CAMKK2: variants seen among roughly 807,000 people sequenced by gnomAD.
CAMKK2 encodes calcium/calmodulin-dependent protein kinase kinase 2.
In CAMKK2, 30 loss-of-function variants were observed where a neutral mutation model predicts 67.2. The ratio of observed to expected loss-of-function variants is 0.45; its 90% CI spans 0.33 to 0.61. The LOEUF (loss-of-function observed/expected upper bound fraction) is 0.61. CAMKK2 is among the 20% of genes least tolerant of loss of function. The pLI, the probability that CAMKK2 is intolerant of heterozygous loss-of-function variation, is 0.02. For synonymous variants in CAMKK2, 322 were observed against 326.2 expected, an observed-to-expected ratio of 0.99 and a Z score of 0.14; for missense variants, 643 against 802.0, an observed-to-expected ratio of 0.80 and a Z score of 2.39.
chr12:121,251,377 T>G (rs1890677494), intron 11 of CAMKK2, among the ~76,000 whole-genome samples: 1 of 152,120 alleles, frequency 6.6e-6, no homozygotes, highest in South Asian at 2.1e-4. Flanking sequence ...ATTGAAAAAT[T>G]TTCTAATCAA....
At chr12:121,242,543 GTC>G (rs1222972545) in intron 16 of CAMKK2, among the ~76,000 whole-genome samples, 1 of 152,180 alleles carries the variant, frequency 6.6e-6, no homozygotes, top group East Asian at 1.9e-4. Context: ...CTGCCCAGGC[GTC>G]TGTCTGGGCA....
intron 6 of CAMKK2, among the ~76,000 whole-genome samples, chr12:121,261,229 C>G (rs1461076852): frequency 6.6e-6 from 1 of 152,152 alleles, no homozygotes; most frequent in Non-Finnish European, 1.5e-5. Context: ...AATGAACAAA[C>G]AGATGGGCTG....
chr12:121,290,109 C>G (rs553964406), intron 1 of CAMKK2, among the ~76,000 whole-genome samples: 3 of 152,140 alleles, frequency 2.0e-5, no homozygotes, highest in Non-Finnish European at 4.4e-5. Context: ...CTAATTGTTC[C>G]GCAAAGATCA....
chr12:121,251,610 T>A (rs1890724498), intron 11 of CAMKK2, among the ~76,000 whole-genome samples: 1 of 151,988 alleles, frequency 6.6e-6, no homozygotes, highest in Admixed American at 6.6e-5. Flanking sequence ...GGCAGATCAT[T>A]TGAGGTCAGG....
intron 11 of CAMKK2, among the ~76,000 whole-genome samples, chr12:121,250,792 A>G (rs554805792): frequency 9.6e-4 from 146 of 152,384 alleles, no homozygotes; most frequent in Non-Finnish European, 1.8e-3. Context: ...TAAGGGCTCA[A>G]TAAATATCTG....
chr12:121,282,843 C>A (rs1378110235), intron 1 of CAMKK2, among the ~76,000 whole-genome samples: 2 of 152,176 alleles, frequency 1.3e-5, no homozygotes, highest in African/African-American at 4.8e-5. Context: ...CAACCTCCGC[C>A]TCCCAAGTTC....
chr12:121,274,418 G>A lies in CAMKK2; in HGVS notation c.109C>T (p.Leu37=). ...SSESQKPCEA[L]RGLSSLSIHL... is the part of the protein sequence containing the mutation. ...ATGCTCAAGGATGAGAGGCCCCGCA[G>A]GGCCTCACAGGGCTTCTGGCTTTCG... is the stretch of plus-strand genomic sequence containing the variant. The change falls in exon 2 of 17, where the codon CTG becomes TTG. Residue 37 remains leucine (L), a synonymous_variant. Transcript: ENST00000404169. 1 of 1,613,232 alleles carries A rather than the reference G, an allele frequency of 6.2e-7. No homozygotes were observed. Among genetic ancestry groups the A allele is most frequent in the Non-Finnish European group, 8.5e-7 (1 of 1,179,936 alleles).
intron 9 of CAMKK2, among the ~76,000 whole-genome samples, chr12:121,255,218 TTTTA>T (rs1381117828): frequency 9.6e-4 from 4 of 4,160 alleles, no homozygotes; most frequent in Non-Finnish European, 1.3e-3. Context: ...ATATATATAA[TTTTA>T]TATATATATA....
At chr12:121,273,937 T>C in intron 2 of CAMKK2, 119 bp downstream of exon 2, 2 of 813,252 alleles carry the variant, frequency 2.5e-6, no homozygotes, top group Non-Finnish European at 3.7e-6. Flanking sequence ...AGTCAACTCC[T>C]AGGTCAACCG....
At chr12:121,241,561 G>A (rs1888398190) in intron 16 of CAMKK2, among the ~76,000 whole-genome samples, 1 of 152,214 alleles carries the variant, frequency 6.6e-6, no homozygotes, top group Non-Finnish European at 1.5e-5. Context: ...GGTGCGAGGG[G>A]AATCCCCGAG....
At position 121,274,572 on chromosome 12, in the gene CAMKK2, G is replaced by A. The variant is rs202134929; in HGVS notation, c.-46C>T. ...CCAGCACACTGGGGCACTCCCATCC[G>A]GCAGCGGAGCCACCTGCAGAAAGAG... On this transcript the variant is annotated 5_prime_UTR_variant, in exon 2 of 17. Coordinates refer to ENST00000404169, the MANE Select transcript of CAMKK2 (RefSeq NM_001270485.2). 4.1e-5 allele frequency: 56 copies of A among 1,380,296 alleles called. No homozygotes were observed. The highest frequency in any genetic ancestry group is 4.8e-5 in the East Asian group (2 of 41,440). The allele number at this position is 1,380,296 out of a possible 1,614,324, so 85.5% of individuals were successfully genotyped here. A position where few individuals can be genotyped will look rare whatever the true frequency, so the allele number is the denominator to read the frequency against.
In CAMKK2 at chr12:121,237,962, C is replaced by T. The variant is rs1887815083; in HGVS notation, c.*2737G>A. On this transcript the variant is annotated 3_prime_UTR_variant, in exon 17 of 17. Coordinates refer to ENST00000404169, the MANE Select transcript of CAMKK2 (RefSeq NM_001270485.2). This position sits in a 1 kb window ranked among gnomAD's most constrained non-coding sequence, Gnocchi z 4.5. ...CCAGCTGGAGAGGGGAACCAGCGTA[C>T]CCTGAAACTTCCCTAGCACCTTGGA... The T allele has an allele frequency of 6.6e-6, 1 of 152,646 alleles. No individual in the cohort carries two copies. Among genetic ancestry groups the T allele is most frequent in the Non-Finnish European group, 1.5e-5 (1 of 68,064 alleles). 9.5% of individuals were successfully genotyped at this position (152,646 alleles called of 1,614,324 possible).
intron 5 of CAMKK2, among the ~76,000 whole-genome samples, chr12:121,267,268 T>C (rs568999843): frequency 5.8e-4 from 86 of 148,788 alleles, no homozygotes; most frequent in Admixed American, 8.8e-4. Flanking sequence ...CATGCCACCA[T>C]GCCTGGCTAA....
At position 121,296,578 on chromosome 12, in the gene CAMKK2, G is replaced by A. The variant is rs1901278992; in HGVS notation, c.-60+60C>T. 1 of 151,828 alleles carries A rather than the reference G, an allele frequency of 6.6e-6. No homozygotes were observed. 9.4% of individuals were successfully genotyped at this position (151,828 alleles called of 1,614,324 possible). A position where few individuals can be genotyped will look rare whatever the true frequency, so the allele number is the denominator to read the frequency against. On this transcript the variant is annotated intron_variant, in intron 1 of 16. Transcript: ENST00000404169. The surrounding 1 kb of genome is among the most constrained non-coding windows in gnomAD (Gnocchi z 7.1). ...CCCCGCCTCGAGAGGGAAACGGAGC[G>A]GGCGCCCGGGGCCGCGGCGGCTGCG...
intron 1 of CAMKK2, among the ~76,000 whole-genome samples, chr12:121,292,614 T>C (rs906617387): frequency 6.6e-6 from 1 of 152,102 alleles, no homozygotes; most frequent in Non-Finnish European, 1.5e-5. Context: ...CTGAACCCCA[T>C]ATCCAGGTTC....
intron 14 of CAMKK2, among the ~76,000 whole-genome samples, chr12:121,246,488 G>A (rs1889504034): frequency 6.6e-6 from 1 of 152,000 alleles, no homozygotes; most frequent in Non-Finnish European, 1.5e-5. Flanking sequence ...GGAGGTTGCA[G>A]TGAGCCAAGA....
Position 121,281,541 on chromosome 12 carries a change from G to T in CAMKK2, c.-59-6956C>A, listed in dbSNP as rs1163556240. On this transcript the variant is annotated intron_variant, in intron 1 of 16. Transcript: ENST00000404169. ...CGTTCATTCATTCATTCATTCATTT[G>T]TTCTTACATGTAGTAATTATAAAGC... 2.0e-5 allele frequency among the ~76,000 whole-genome samples: 3 copies of T among 152,336 alleles called. No individual in the cohort carries two copies. The East Asian group carries it at 5.8e-4, about 29-fold the overall frequency.
At position 121,239,462 on chromosome 12, in the gene CAMKK2, C is replaced by T. The variant is rs1887995210; in HGVS notation, c.*1237G>A. 1.3e-5 allele frequency: 2 copies of T among 152,208 alleles called. No homozygotes were observed. The highest frequency in any genetic ancestry group is 2.1e-4 in the South Asian group (1 of 4,830). The allele number at this position is 152,208 out of a possible 1,614,324, so 9.4% of individuals were successfully genotyped here. A position where few individuals can be genotyped will look rare whatever the true frequency, so the allele number is the denominator to read the frequency against. ...TGCCAAGCCCTGGTTTCCTCATACC[C>T]CAACGAGTGCTGTGGGTTTCAACAG... On this transcript the variant is annotated 3_prime_UTR_variant, in exon 17 of 17. Transcript: ENST00000404169.
intron 6 of CAMKK2, 112 bp from the exon 7 acceptor site, chr12:121,260,467 G>C: frequency 1.1e-6 from 1 of 920,676 alleles, no homozygotes; most frequent in African/African-American, 1.6e-5. Context: ...GCCAACAGGA[G>C]GGCTGCATTT....
Sources: allele counts gnomAD v4.1 joint callset (sites outside exome capture counted in the v4.1 genomes callset), GRCh38; gene constraint gnomAD v4.1.1; non-coding constraint Gnocchi (gnomAD v3.1); transcripts MANE v1.5; gene names NCBI Gene and HGNC (gene_info 2026-07-23, HGNC 2026-07-21).